The following ZNF398 variants were observed in gnomAD, a reference collection of about 807,000 sequenced individuals.
ZNF398 encodes zinc finger DNA binding protein ZER6.
A neutral mutation model predicts 41.9 loss-of-function variants in ZNF398; 18 were observed. That is an observed-to-expected ratio of 0.43 (90% CI 0.30 to 0.64). The LOEUF (loss-of-function observed/expected upper bound fraction) is 0.64. ZNF398 is among the 30% of genes least tolerant of loss of function. The probability of loss-of-function intolerance (pLI) is 0.14; values close to 1 mark genes in which losing one functional copy is unlikely to be tolerated. For synonymous variants in ZNF398, 260 were observed against 308.8 expected, an observed-to-expected ratio of 0.84 and a Z score of 1.66; for missense variants, 669 against 822.8, an observed-to-expected ratio of 0.81 and a Z score of 2.29.
intron 2 of ZNF398, among the ~76,000 whole-genome samples, chr7:149,157,513 C>A (rs1468734883): frequency 5.1e-5 from 7 of 137,320 alleles, no homozygotes; most frequent in Non-Finnish European, 9.3e-5. Context: ...CCAGCCTGGG[C>A]GACAGAGACT....
intron 2 of ZNF398, among the ~76,000 whole-genome samples, chr7:149,136,680 G>T (rs1438701072): frequency 2.6e-5 from 4 of 151,950 alleles, no homozygotes; most frequent in Non-Finnish European, 5.9e-5. Context: ...GGATTCTCCT[G>T]TCTCAGCCTC....
At chr7:149,142,495 G>A (rs1014731367), upstream of ZNF398, among the ~76,000 whole-genome samples, 5 of 152,162 alleles carry the variant, frequency 3.3e-5, no homozygotes, top group Non-Finnish European at 7.4e-5. Flanking sequence ...GTGAAACCCC[G>A]TCTCTACTAA....
rs139330870 is a variant in ZNF398, at chr7:149,155,010, G to A, written c.420+670G>A. On this transcript the variant is annotated intron_variant, in intron 2 of 5. Transcript: ENST00000475153. ...TTCTAAAAAAAAAAAAAAAAGGCCT[G>A]GCGAGATGACTCACACCTGTAATCC... Among the ~76,000 whole-genome samples, 1,084 of 149,480 alleles carry A rather than the reference G, an allele frequency of 7.3e-3. 9 individuals are homozygous for A. The highest frequency in any genetic ancestry group is 0.01 in the African/African-American group (417 of 40,506).
chr7:149,154,376 C>T, intron 2 of ZNF398, 36 bp downstream of exon 2: 1 of 1,547,708 alleles, frequency 6.5e-7, no homozygotes, highest in Non-Finnish European at 8.7e-7. Context: ...AGTGGTACCA[C>T]TAGAACTTAC....
chr7:149,148,346 A>T (rs1827015193), intron 1 of ZNF398: 1 of 771,446 alleles, frequency 1.3e-6, no homozygotes, highest in Non-Finnish European at 1.6e-6. Context: ...GTGTTTGCCA[A>T]GGCCTGCGGG....
At chr7:149,178,506 C>T in intron 5 of ZNF398, 142 bp from the exon 6 acceptor site, 2 of 692,406 alleles carry the variant, frequency 2.9e-6, no homozygotes, top group Non-Finnish European at 2.5e-6. Context: ...ACAGAGACCA[C>T]AGATGTCTCG....
At chr7:149,161,444 C>T (rs1483001456) in intron 2 of ZNF398, among the ~76,000 whole-genome samples, 7 of 152,128 alleles carry the variant, frequency 4.6e-5, no homozygotes, top group African/African-American at 1.4e-4. Flanking sequence ...CTTCCTGACT[C>T]GTCCCAGCTA....
chr7:149,143,072 G>A (rs983178787), upstream of ZNF398, among the ~76,000 whole-genome samples: 1 of 152,044 alleles, frequency 6.6e-6, no homozygotes, highest in Non-Finnish European at 1.5e-5. Flanking sequence ...CCCACATCTA[G>A]CTTAATGTAT....
intron 2 of ZNF398, among the ~76,000 whole-genome samples, chr7:149,133,664 T>C (rs1488806049): frequency 1.9e-4 from 9 of 48,510 alleles, no homozygotes; most frequent in African/African-American, 5.8e-4. Context: ...AATATATATA[T>C]ATATATATAT....
At chr7:149,177,884 C>A (rs1332429976) in intron 5 of ZNF398, among the ~76,000 whole-genome samples, 1 of 152,176 alleles carries the variant, frequency 6.6e-6, no homozygotes, top group Non-Finnish European at 1.5e-5. Flanking sequence ...TGTGGTGGCT[C>A]ATGCCTGTAA....
At chr7:149,136,759 A>G (rs528475971) in intron 2 of ZNF398, among the ~76,000 whole-genome samples, 113 of 151,676 alleles carry the variant, frequency 7.5e-4, no homozygotes, top group African/African-American at 2.4e-3. Context: ...TAGTAGAGAC[A>G]GGATTTCACT....
chr7:149,133,668 T>TATATAC (rs1826644409), intron 2 of ZNF398, among the ~76,000 whole-genome samples: 1 of 52,560 alleles, frequency 1.9e-5, no homozygotes, highest in Admixed American at 2.3e-4. Flanking sequence ...TATATATATA[T>TATATAC]ATATATATAT....
chr7:149,152,267 T>TTC (rs1470710480), intron 1 of ZNF398, among the ~76,000 whole-genome samples: 1 of 150,004 alleles, frequency 6.7e-6, no homozygotes, highest in African/African-American at 2.4e-5. Flanking sequence ...AGATTTCTTT[T>TTC]TTTTTTTTTT....
rs78887787 is a variant in ZNF398 at position 149,160,983 on chromosome 7, G to A, written c.421-5175G>A. On this transcript the variant is annotated intron_variant, in intron 2 of 5. Coordinates refer to ENST00000475153, the MANE Select transcript of ZNF398 (RefSeq NM_170686.3). ...GTGTCTCTGCTCTGCACCCCAAGGA[G>A]GCCTGTCAGGAGGAGGTGGGCTTTC... 8.7e-3 allele frequency among the ~76,000 whole-genome samples: 1,321 copies of A among 152,208 alleles called. 8 individuals carry two copies. The highest frequency in any genetic ancestry group is 0.015 in the African/African-American group (636 of 41,516).
chr7:149,166,390 C>A, intron 3 of ZNF398, 106 bp downstream of exon 3: 1 of 1,425,362 alleles, frequency 7.0e-7, no homozygotes, highest in Non-Finnish European at 9.6e-7. Context: ...TCTTCACACA[C>A]TTCAAATTCT....
In ZNF398 at chr7:149,147,651, G is replaced by A; in HGVS notation, c.-92G>A. The A allele has an allele frequency of 2.5e-6, 3 of 1,215,274 alleles. No homozygotes were observed. The highest frequency in any genetic ancestry group is 3.1e-6 in the Non-Finnish European group (3 of 974,330). The allele number at this position is 1,215,274 out of a possible 1,614,324, so 75.3% of individuals were successfully genotyped here. On this transcript the variant is annotated 5_prime_UTR_variant, in exon 1 of 6. Coordinates refer to ENST00000475153, the MANE Select transcript of ZNF398 (RefSeq NM_170686.3). The surrounding 1 kb of genome is among the most constrained non-coding windows in gnomAD (Gnocchi z 5.6). ...CCGGGTCGGCGCCGCCTGTGGAGAG[G>A]ACCCGGCGGCCGGGCCTGCTTGGAG...
chr7:149,165,197 C>G lies in ZNF398; in HGVS notation c.421-961C>G, dbSNP rs143846179. On this transcript the variant is annotated intron_variant, in intron 2 of 5. Coordinates refer to ENST00000475153, the MANE Select transcript of ZNF398 (RefSeq NM_170686.3). ...TAGTTTTCAGATCCAAGTTACCTCA[C>G]TTGCAGAGTTCGAACCGAATGCTGA... 5.2e-3 allele frequency among the ~76,000 whole-genome samples: 785 copies of G among 152,222 alleles called. 22 individuals are homozygous for G. Among genetic ancestry groups the G allele is most frequent in the Admixed American group, 0.046 (703 of 15,272 alleles).
At chr7:149,156,792 C>T (rs960628205) in intron 2 of ZNF398, among the ~76,000 whole-genome samples, 3 of 148,142 alleles carry the variant, frequency 2.0e-5, no homozygotes, top group Non-Finnish European at 4.4e-5. Context: ...ACCCAGAAGG[C>T]GGAGATTGCG....
chr7:149,172,367 G>C (rs1795362772), intron 4 of ZNF398, among the ~76,000 whole-genome samples: 1 of 152,154 alleles, frequency 6.6e-6, no homozygotes, highest in African/African-American at 2.4e-5. Context: ...CATCCACACT[G>C]TATACGCTAC....
Sources: gnomAD v4.1 joint callset for allele counts (sites outside exome capture counted in the v4.1 genomes callset) on GRCh38, gnomAD v4.1.1 for gene constraint, Gnocchi (gnomAD v3.1) non-coding constraint, MANE v1.5 for transcripts, NCBI Gene and HGNC (gene_info 2026-07-23, HGNC 2026-07-21) for gene names.